Variants in SLC24A2 observed in about 807,000 individuals in gnomAD.
The protein encoded by SLC24A2 is solute carrier family 24 member 2, also known as sodium/potassium/calcium exchanger 2.
Under a neutral mutation model 62.0 loss-of-function variants are expected in SLC24A2, and 36 were observed. The observed-to-expected ratio is 0.58, with a 90% CI of 0.44 to 0.77. SLC24A2 has a LOEUF of 0.77. Among genes scored for constraint, SLC24A2 ranks in the 30% least tolerant of loss-of-function variants. SLC24A2 has a pLI of 0.00. For synonymous variants in SLC24A2, 358 were observed against 294.0 expected, an observed-to-expected ratio of 1.22 and a Z score of -2.23; for missense variants, 846 against 817.9, an observed-to-expected ratio of 1.03 and a Z score of -0.42.
At chr9:20,175,851 T>C in the SLC24A2 span, among the ~76,000 whole-genome samples, 2 of 152,058 alleles carry the variant, frequency 1.3e-5, no homozygotes, top group Non-Finnish European at 2.9e-5. Context: ...GATAAATAAC[T>C]GTATGATGGA....
the SLC24A2 span, among the ~76,000 whole-genome samples, chr9:19,831,784 G>T: frequency 6.6e-6 from 1 of 152,118 alleles, no homozygotes; most frequent in African/African-American, 2.4e-5. Context: ...CAATGTTATT[G>T]CTTTCCAAAT....
At chr9:20,076,878 T>C in the SLC24A2 span, among the ~76,000 whole-genome samples, 2 of 120,076 alleles carry the variant, frequency 1.7e-5, no homozygotes, top group African/African-American at 3.3e-5. Flanking sequence ...TATATATATA[T>C]ATACATATCA....
At chr9:20,273,358 G>A in the SLC24A2 span, among the ~76,000 whole-genome samples, 1 of 152,146 alleles carries the variant, frequency 6.6e-6, no homozygotes, top group South Asian at 2.1e-4. Context: ...ACACAGAGAT[G>A]CCAAGAAGAA....
chr9:19,718,502 G>C (rs1390845275), intron 2 of SLC24A2, among the ~76,000 whole-genome samples: 1 of 142,686 alleles, frequency 7.0e-6, no homozygotes, highest in Non-Finnish European at 1.5e-5. Context: ...GTAGAAACAG[G>C]GTTTCACCAT....
chr9:20,229,233 T>C, the SLC24A2 span, among the ~76,000 whole-genome samples: 1 of 152,184 alleles, frequency 6.6e-6, no homozygotes, highest in Non-Finnish European at 1.5e-5. Context: ...TGGAGTCTGA[T>C]GCCCAAGGTT....
At chr9:19,836,595 C>G in the SLC24A2 span, among the ~76,000 whole-genome samples, 1,429 of 152,156 alleles carry the variant, frequency 9.4e-3, 20 homozygotes, top group African/African-American at 0.032. Context: ...AATAGCTTAC[C>G]AACCAAAAAA....
At chr9:19,883,739 G>T in the SLC24A2 span, among the ~76,000 whole-genome samples, 5 of 152,010 alleles carry the variant, frequency 3.3e-5, no homozygotes, top group African/African-American at 1.2e-4. Flanking sequence ...CGAATTTTTT[G>T]TATTTTTAGT....
chr9:19,914,861 A>G, the SLC24A2 span, among the ~76,000 whole-genome samples: 343 of 152,228 alleles, frequency 2.3e-3, 6 homozygotes, highest in East Asian at 0.06. Flanking sequence ...ATCTGGCCAC[A>G]TAAAAGATCT....
chr9:19,552,141 T>C (rs1176881288), intron 7 of SLC24A2, among the ~76,000 whole-genome samples: 5 of 152,228 alleles, frequency 3.3e-5, no homozygotes, highest in African/African-American at 4.8e-5. Context: ...TATTATTCCA[T>C]CCATTGCTTT....
chr9:20,296,143 T>C, the SLC24A2 span, among the ~76,000 whole-genome samples: 3 of 152,220 alleles, frequency 2.0e-5, no homozygotes, highest in Admixed American at 6.5e-5. Flanking sequence ...CTAATTGCAA[T>C]AGCCAAGCAA....
the SLC24A2 span, among the ~76,000 whole-genome samples, chr9:19,910,211 T>A: frequency 6.6e-6 from 1 of 152,062 alleles, no homozygotes; most frequent in African/African-American, 2.4e-5. Flanking sequence ...ATTAGTGCCA[T>A]CCTATCATCG....
chr9:19,514,363 C>G lies in SLC24A2; in HGVS notation c.*1790G>C, dbSNP rs1832847807. ...TAGGAACACATATGGTGAAATTTCC[C>G]ATATGCCATATGTACCAACTTAGAC... is the stretch of plus-strand genomic sequence containing the variant. On this transcript the variant is annotated 3_prime_UTR_variant, in exon 11 of 11. Transcript: ENST00000341998. 1 of 152,158 alleles carries G rather than the reference C, an allele frequency of 6.6e-6. No homozygotes were observed. The highest frequency in any genetic ancestry group is 2.1e-4 in the South Asian group (1 of 4,822). The allele number at this position is 152,158 out of a possible 1,614,324, so 9.4% of individuals were successfully genotyped here. A position where few individuals can be genotyped will look rare whatever the true frequency, so the allele number is the denominator to read the frequency against.
chr9:19,778,496 G>T (rs879704137), intron 2 of SLC24A2, among the ~76,000 whole-genome samples: 1 of 152,214 alleles, frequency 6.6e-6, no homozygotes, highest in Non-Finnish European at 1.5e-5. Context: ...GGAGATGGTA[G>T]GATGTGTCTA....
intron 5 of SLC24A2, among the ~76,000 whole-genome samples, chr9:19,580,050 C>T (rs1836155787): frequency 6.6e-6 from 1 of 152,234 alleles, no homozygotes; most frequent in South Asian, 2.1e-4. Flanking sequence ...CCCACTGCAG[C>T]AGCACCTCAG....
At chr9:19,548,081 G>A (rs988689311) in intron 8 of SLC24A2, among the ~76,000 whole-genome samples, 4 of 151,578 alleles carry the variant, frequency 2.6e-5, no homozygotes, top group African/African-American at 9.8e-5. Flanking sequence ...TCCATACAAG[G>A]AGTCCTTTCT....
intron 2 of SLC24A2, among the ~76,000 whole-genome samples, chr9:19,697,038 T>C (rs1000123126): frequency 6.6e-6 from 1 of 152,182 alleles, no homozygotes; most frequent in Non-Finnish European, 1.5e-5. Flanking sequence ...AAATTTTTAA[T>C]TGCTAAAAAG....
At position 19,719,356 on chromosome 9, in the gene SLC24A2, C is replaced by T. The variant is rs184556206; in HGVS notation, c.930+66581G>A. ...TGCTACCTGGTTGTAATTTCTTTAGCACTATTATTCTTGTTCTTGTCTGAC... is the reference window on the plus strand; with the variant it reads ...TGCTACCTGGTTGTAATTTCTTTAGTACTATTATTCTTGTTCTTGTCTGAC... On this transcript the variant is annotated intron_variant, in intron 2 of 10. Coordinates refer to ENST00000341998, the MANE Select transcript of SLC24A2 (RefSeq NM_020344.4). 3.2e-4 allele frequency among the ~76,000 whole-genome samples: 49 copies of T among 152,264 alleles called. No individual in the cohort carries two copies. In the East Asian group the frequency reaches 6.9e-3, roughly 22 times the overall value.
chr9:19,807,326 G>A, the SLC24A2 span, among the ~76,000 whole-genome samples: 2 of 152,312 alleles, frequency 1.3e-5, no homozygotes, highest in South Asian at 2.1e-4. Context: ...ATCTGAACAC[G>A]ACATCATCTT....
chr9:19,541,649 C>A (rs1393650042), intron 8 of SLC24A2, among the ~76,000 whole-genome samples: 1 of 148,328 alleles, frequency 6.7e-6, no homozygotes, highest in African/African-American at 2.5e-5. Flanking sequence ...GAGGTTACTG[C>A]TGTCTTTTTG....
Sources: gnomAD v4.1 joint callset for allele counts (sites outside exome capture counted in the v4.1 genomes callset) on GRCh38, gnomAD v4.1.1 for gene constraint, MANE v1.5 for transcripts, NCBI Gene and HGNC (gene_info 2026-07-23, HGNC 2026-07-21) for gene names.